The following DIAPH3 variants were observed in gnomAD, a reference collection of about 807,000 sequenced individuals.
DIAPH3 encodes the protein protein diaphanous homolog 3.
In DIAPH3, 117 loss-of-function variants were observed where a neutral mutation model predicts 144.3. The ratio of observed to expected loss-of-function variants is 0.81; its 90% CI spans 0.70 to 0.95. The LOEUF (loss-of-function observed/expected upper bound fraction) is 0.95, where lower values mean the gene tolerates loss of function less well. Among genes scored for constraint, DIAPH3 ranks in the 40% least tolerant of loss-of-function variants. The probability of loss-of-function intolerance (pLI) is 0.00; values close to 1 mark genes in which losing one functional copy is unlikely to be tolerated. For missense variants in DIAPH3, 1,421 were observed against 1,412.7 expected, an observed-to-expected ratio of 1.01 and a Z score of -0.09; for synonymous variants, 519 against 488.9, an observed-to-expected ratio of 1.06 and a Z score of -0.81.
intron 25 of DIAPH3, among the ~76,000 whole-genome samples, chr13:59,795,783 C>T (rs1340172656): frequency 6.6e-6 from 1 of 152,104 alleles, no homozygotes; most frequent in Non-Finnish European, 1.5e-5. Flanking sequence ...GGGTGGCTTG[C>T]TATGGTTTCA....
At chr13:60,075,653 C>T (rs931223694) in intron 4 of DIAPH3, among the ~76,000 whole-genome samples, 1 of 152,168 alleles carries the variant, frequency 6.6e-6, no homozygotes, top group African/African-American at 2.4e-5. Flanking sequence ...TCAGTGTGAA[C>T]CTCACTCAAA....
At chr13:59,697,072 G>A (rs1051182259) in intron 27 of DIAPH3, among the ~76,000 whole-genome samples, 8 of 152,028 alleles carry the variant, frequency 5.3e-5, no homozygotes, top group African/African-American at 1.9e-4. Flanking sequence ...TAAAAATTCA[G>A]AAATTCCAGC....
chr13:60,128,743 T>C (rs1285268524), intron 2 of DIAPH3, among the ~76,000 whole-genome samples: 4 of 151,872 alleles, frequency 2.6e-5, no homozygotes, highest in South Asian at 4.2e-4. Flanking sequence ...TAACCATTTG[T>C]GGGTCATGAA....
At chr13:60,105,109 A>AAAC (rs1422601195) in intron 3 of DIAPH3, among the ~76,000 whole-genome samples, 2 of 124,180 alleles carry the variant, frequency 1.6e-5, no homozygotes, top group African/African-American at 3.2e-5. Flanking sequence ...CAAAAAAAAA[A>AAAC]AAAAAAAAAA....
intron 25 of DIAPH3, among the ~76,000 whole-genome samples, chr13:59,798,605 T>C (rs760814343): frequency 6.6e-6 from 1 of 152,228 alleles, no homozygotes; most frequent in African/African-American, 2.4e-5. Flanking sequence ...AAGGTAGTCT[T>C]TTCCACATTT....
chr13:60,024,090 GGTGGTCCAGCCGCCTCAGCCTCCCAAA>G (rs2054222005), intron 5 of DIAPH3, among the ~76,000 whole-genome samples: 1 of 147,102 alleles, frequency 6.8e-6, no homozygotes, highest in African/African-American at 2.5e-5. Context: ...CCTGACTTCA[GGTGGTCCAGCCGCCTCAGCCTCCCAAA>G]GTGCTGGGAT....
chr13:59,745,852 ACTACT>A (rs1252399134), intron 27 of DIAPH3, among the ~76,000 whole-genome samples: 2 of 152,194 alleles, frequency 1.3e-5, no homozygotes, highest in African/African-American at 4.8e-5. Flanking sequence ...GTTTCACCCA[ACTACT>A]CTGCTCTGCT....
intron 15 of DIAPH3, among the ~76,000 whole-genome samples, chr13:59,973,049 T>C (rs1289679073): frequency 3.3e-5 from 5 of 152,210 alleles, no homozygotes; most frequent in African/African-American, 1.2e-4. Context: ...ATTAAGTATC[T>C]AATTCTAGGT....
intron 17 of DIAPH3, among the ~76,000 whole-genome samples, chr13:59,927,366 T>C (rs991635143): frequency 6.6e-6 from 1 of 152,200 alleles, no homozygotes; most frequent in Non-Finnish European, 1.5e-5. Flanking sequence ...TTGTTGATCA[T>C]TTTCTAATTG....
intron 23 of DIAPH3, chr13:59,838,818 T>C (rs1314153118): frequency 6.5e-6 from 1 of 154,978 alleles, no homozygotes; most frequent in Non-Finnish European, 1.4e-5. Flanking sequence ...TTAATGATCA[T>C]ACATTTGTGG....
chr13:59,698,141 A>C lies in DIAPH3; in HGVS notation c.3320-31295T>G, dbSNP rs1214340209. 2.0e-5 allele frequency among the ~76,000 whole-genome samples: 3 copies of C among 152,244 alleles called. No homozygotes were observed. The East Asian group carries it at 5.8e-4, about 29-fold the overall frequency. ...GTTCAACCACTAAAATATGGACAGC[A>C]TCCTTTCAATGATCTGTCTTCTCTC... On this transcript the variant is annotated intron_variant, in intron 27 of 27. Coordinates refer to ENST00000400324, the MANE Select transcript of DIAPH3 (RefSeq NM_001042517.2).
chr13:59,893,667 T>G (rs533178630), intron 20 of DIAPH3, among the ~76,000 whole-genome samples: 1 of 152,066 alleles, frequency 6.6e-6, no homozygotes, highest in East Asian at 1.9e-4. Flanking sequence ...ATACAGACAG[T>G]GTGACACAGG....
intron 22 of DIAPH3, among the ~76,000 whole-genome samples, chr13:59,842,699 C>T (rs1306242964): frequency 2.0e-5 from 3 of 152,074 alleles, no homozygotes; most frequent in African/African-American, 7.2e-5. Context: ...AACTCCCTTC[C>T]CTGAAGTTCC....
chr13:60,057,504 C>T (rs1221426828), intron 4 of DIAPH3, among the ~76,000 whole-genome samples: 1 of 151,920 alleles, frequency 6.6e-6, no homozygotes, highest in Non-Finnish European at 1.5e-5. Flanking sequence ...CAATTCCTAT[C>T]GAGATAACAA....
rs185634501 is a variant in DIAPH3, at chr13:59,878,861, A to G, written c.2607+368T>C. ...AATATTTAAATAGTTAAAGGTAAAA[A>G]TGTTAATGGCAATCCTAAGCAATAT... is the stretch of plus-strand genomic sequence containing the variant. On this transcript the variant is annotated intron_variant, in intron 21 of 27. Coordinates refer to ENST00000400324, the MANE Select transcript of DIAPH3 (RefSeq NM_001042517.2). Among the ~76,000 whole-genome samples, 507 of 152,192 alleles carry G rather than the reference A, an allele frequency of 3.3e-3. 3 individuals are homozygous for G. Among genetic ancestry groups the G allele is most frequent in the African/African-American group, 0.012 (483 of 41,524 alleles).
intron 4 of DIAPH3, among the ~76,000 whole-genome samples, chr13:60,058,459 A>G (rs984081160): frequency 1.3e-5 from 2 of 152,022 alleles, no homozygotes; most frequent in Admixed American, 1.3e-4. Context: ...AATTAGTACA[A>G]CCTTCATGGA....
intron 20 of DIAPH3, among the ~76,000 whole-genome samples, chr13:59,903,913 T>C (rs1296757521): frequency 6.6e-6 from 1 of 152,218 alleles, no homozygotes; most frequent in Non-Finnish European, 1.5e-5. Context: ...ATGAGCACAA[T>C]ACACTCTAGC....
chr13:60,112,960 T>C (rs1347680611), intron 2 of DIAPH3, among the ~76,000 whole-genome samples: 3 of 152,208 alleles, frequency 2.0e-5, no homozygotes, highest in Non-Finnish European at 2.9e-5. Flanking sequence ...TCATGACTAA[T>C]ACAATGTTTC....
chr13:59,925,201 T>G, intron 17 of DIAPH3, among the ~76,000 whole-genome samples: 1 of 152,142 alleles, frequency 6.6e-6, no homozygotes, highest in East Asian at 1.9e-4. Context: ...AGGATACAGT[T>G]ATAAAAATTA....
Sources: gnomAD v4.1 joint callset for allele counts (sites outside exome capture counted in the v4.1 genomes callset) on GRCh38, gnomAD v4.1.1 for gene constraint, MANE v1.5 for transcripts, NCBI Gene and HGNC (gene_info 2026-07-23, HGNC 2026-07-21) for gene names.